Variants in SF3A1 observed in about 807,000 individuals in gnomAD.
The protein encoded by SF3A1 is SAP 114.
In SF3A1, 13 loss-of-function variants were observed where a neutral mutation model predicts 89.9. The observed-to-expected ratio is 0.14, with a 90% CI of 0.09 to 0.23. The LOEUF is 0.23. Among genes scored for constraint, SF3A1 ranks in the 10% least tolerant of loss-of-function variants. The pLI, the probability that SF3A1 is intolerant of heterozygous loss-of-function variation, is 1.00. For synonymous variants in SF3A1, 405 were observed against 374.4 expected, an observed-to-expected ratio of 1.08 and a Z score of -0.94; for missense variants, 604 against 1,022.1, an observed-to-expected ratio of 0.59 and a Z score of 5.58.
chr22:30,335,570 T>C (rs771927230), intron 14 of SF3A1, 32 bp from the exon 15 acceptor site: 12 of 1,613,432 alleles, frequency 7.4e-6, no homozygotes, highest in Admixed American at 1.7e-5. Context: ...ATTCAACTCC[T>C]TGGTAAGGCC....
intron 7 of SF3A1, among the ~76,000 whole-genome samples, 164 bp from the exon 8 acceptor site, chr22:30,340,976 T>A (rs1484843339): frequency 1.3e-5 from 2 of 152,130 alleles, no homozygotes; most frequent in Non-Finnish European, 2.9e-5. Flanking sequence ...CAGGCCAAGC[T>A]GCTTCCTCAC....
rs573986969 is a variant in SF3A1 at position 30,345,310 on chromosome 22, G to A, written c.394-120C>T. 452 of 918,538 alleles carry A rather than the reference G, an allele frequency of 4.9e-4. 6 individuals carry two copies. In the South Asian group the frequency reaches 6.9e-3, roughly 14 times the overall value. 56.9% of individuals were successfully genotyped at this position (918,538 alleles called of 1,614,324 possible). ...GGATGCTGTGAACCTCTAGACTTCT[G>A]TTAATTATGCACACACCACTAGCAC... On this transcript the variant is annotated intron_variant, in intron 3 of 15. Coordinates refer to ENST00000215793, the MANE Select transcript of SF3A1 (RefSeq NM_005877.6).
chr22:30,354,167 C>T (rs774724810), intron 1 of SF3A1, among the ~76,000 whole-genome samples: 1 of 152,132 alleles, frequency 6.6e-6, no homozygotes, highest in Non-Finnish European at 1.5e-5. Context: ...AGGGTCAAGT[C>T]TCTTATCTTA....
At chr22:30,334,812 T>C (rs1276531511) in intron 15 of SF3A1, 117 bp from the exon 16 acceptor site, 2 of 672,854 alleles carry the variant, frequency 3.0e-6, no homozygotes, top group East Asian at 6.2e-5. Flanking sequence ...TACAGGAGCT[T>C]GTGAGAAGGT....
Position 30,343,002 on chromosome 22 carries a change from C to G in SF3A1, c.652-123G>C. The G allele has an allele frequency of 4.8e-6, 3 of 618,932 alleles. No homozygotes were observed. In the South Asian group the frequency reaches 6.0e-5, roughly 12 times the overall value. 38.3% of individuals were successfully genotyped at this position (618,932 alleles called of 1,614,324 possible). A position where few individuals can be genotyped will look rare whatever the true frequency, so the allele number is the denominator to read the frequency against. On this transcript the variant is annotated intron_variant, in intron 4 of 15. Transcript: ENST00000215793. ...AGCATGGGATTCTGTGTCCCAATCC[C>G]AGCTCCACTTGGCTGTGGGACTTAG...
At chr22:30,351,602 C>T (rs1242616216) in intron 2 of SF3A1, among the ~76,000 whole-genome samples, 10 of 152,184 alleles carry the variant, frequency 6.6e-5, no homozygotes, top group Admixed American at 5.9e-4. Context: ...CTGGGCCCAA[C>T]CGATCCTCTT....
chr22:30,334,518 G>A lies in SF3A1; in HGVS notation c.*76C>T, dbSNP rs1269520573. On this transcript the variant is annotated 3_prime_UTR_variant, in exon 16 of 16. Transcript: ENST00000215793. ...TGCAGGCAAGGCAAAGCCTCAGGGG[G>A]GCTCCTGGGTCTGGGGCAGGGGGTG... 1 of 866,516 alleles carries A rather than the reference G, an allele frequency of 1.2e-6. No individual in the cohort carries two copies. Among genetic ancestry groups the A allele is most frequent in the Non-Finnish European group, 1.8e-6 (1 of 560,450 alleles). 53.7% of individuals were successfully genotyped at this position (866,516 alleles called of 1,614,324 possible).
rs746236845 is a variant in SF3A1 at position 30,337,756 on chromosome 22, C to T, written c.1885G>A (p.Val629Met). Reference sequence around the variant, plus strand: ...GGAGGGGCCGAGGGAGGCATGGGCACCACGTTGATTCTGGGCGCGTGGATG... The same window carrying T: ...GGAGGGGCCGAGGGAGGCATGGGCATCACGTTGATTCTGGGCGCGTGGATG... Reference protein sequence around the residue: ...PIIHAPRINVVPMPPSAPPIM... With the variant: ...PIIHAPRINVMPMPPSAPPIM... Residue 629 changes from valine to methionine, a missense_variant, in exon 12 of 16, where the codon GTG becomes ATG. By Grantham distance (21) the Val-to-Met change is conservative (BLOSUM62 1). Around this residue, in one of 9 missense-constraint regions of SF3A1, gnomAD observed 85 missense variants for 137.3 expected, o/e 0.62. Transcript: ENST00000215793. 7.6e-6 allele frequency: 12 copies of T among 1,582,578 alleles called. 1 individual carries two copies. Among genetic ancestry groups the T allele is most frequent in the Non-Finnish European group, 1.0e-5 (12 of 1,165,694 alleles).
Position 30,338,789 on chromosome 22 carries a change from T to C in SF3A1, c.1743A>G (p.Thr581=), listed in dbSNP as rs776225479. The change falls in exon 11 of 16, where the codon ACA becomes ACG. Residue 581 remains threonine (T), a splice_region_variant and synonymous_variant. Coordinates refer to ENST00000215793, the MANE Select transcript of SF3A1 (RefSeq NM_005877.6). ...PPITSVPRPP[T]MPPPVRTTVV... ...AGTTCCAGGGTAGATGCTGGCTTACTGTGGGTGGTCGGGGCACTGAAGTGA... is the reference window on the plus strand; with the variant it reads ...AGTTCCAGGGTAGATGCTGGCTTACCGTGGGTGGTCGGGGCACTGAAGTGA... 6 of 1,614,020 alleles carry C rather than the reference T, an allele frequency of 3.7e-6. No homozygotes were observed. The highest frequency in any genetic ancestry group is 4.2e-6 in the Non-Finnish European group (5 of 1,179,996).
intron 2 of SF3A1, among the ~76,000 whole-genome samples, chr22:30,347,440 C>T (rs1340442484): frequency 6.6e-6 from 1 of 152,206 alleles, no homozygotes; most frequent in Non-Finnish European, 1.5e-5. Context: ...CTGTATAAGG[C>T]ACCTTCAGAT....
At chr22:30,355,253 T>A (rs1931745347) in intron 1 of SF3A1, among the ~76,000 whole-genome samples, 1 of 152,174 alleles carries the variant, frequency 6.6e-6, no homozygotes. Flanking sequence ...TCAAGTGATC[T>A]GTCTGCCTCG....
In SF3A1 at chr22:30,337,674, T is replaced by A; in HGVS notation, c.1951+16A>T. 1 of 901,286 alleles carries A rather than the reference T, an allele frequency of 1.1e-6. No homozygotes were observed. The highest frequency in any genetic ancestry group is 1.6e-6 in the Non-Finnish European group (1 of 624,232). The allele number at this position is 901,286 out of a possible 1,614,324, so 55.8% of individuals were successfully genotyped here. On this transcript the variant is annotated intron_variant, in intron 12 of 15. Transcript: ENST00000215793. ...CCTGAACTAATGGCCTGGAAAATGATGCAAGAGATACTGACCTGTTGGCAC... is the reference window on the plus strand; with the variant it reads ...CCTGAACTAATGGCCTGGAAAATGAAGCAAGAGATACTGACCTGTTGGCAC...
intron 4 of SF3A1, 29 bp from the exon 5 acceptor site, chr22:30,342,908 T>A: frequency 1.4e-6 from 2 of 1,448,278 alleles, no homozygotes; most frequent in Non-Finnish European, 1.9e-6. Context: ...AAAGCAACTG[T>A]CAGTGCTTTA....
At chr22:30,338,681 C>A in intron 11 of SF3A1, 108 bp downstream of exon 11, 2 of 1,402,456 alleles carry the variant, frequency 1.4e-6, no homozygotes, top group South Asian at 2.5e-5. Flanking sequence ...AACTGACCCA[C>A]CCAACACTCA....
At chr22:30,342,642 G>T in intron 5 of SF3A1, 163 bp downstream of exon 5, 1 of 631,900 alleles carries the variant, frequency 1.6e-6, no homozygotes, top group Non-Finnish European at 2.8e-6. Flanking sequence ...ATGTTGGGAA[G>T]CATCCGGACT....
rs986261815 is a variant in SF3A1, at chr22:30,337,821, C to T, written c.1820G>A (p.Arg607Gln). 5 of 1,605,566 alleles carry T rather than the reference C, an allele frequency of 3.1e-6. No homozygotes were observed. The highest frequency in any genetic ancestry group is 4.2e-6 in the Non-Finnish European group (5 of 1,176,492). Residue 607 changes from arginine (R) to glutamine (Q), a missense_variant, in exon 12 of 16, where the codon CGG becomes CAG. Physicochemically the swap from Arg to Gln is conservative, Grantham distance 43. This residue lies in a region of SF3A1 where 85 missense variants were observed against 137.3 expected (regional missense o/e 0.62). Transcript: ENST00000215793. ...MPRPPMASVVRLPPGSVIAPM... is the reference protein window; with the variant it reads ...MPRPPMASVVQLPPGSVIAPM... ...GGCGATCACTGAGCCTGGGGGCAGC[C>T]GGACCACAGATGCCATTGGGGGCCG...
In SF3A1 at chr22:30,341,681, C is replaced by T; in HGVS notation, c.1071+11G>A. 6.2e-7 allele frequency: 1 copy of T among 1,611,192 alleles called. No individual in the cohort carries two copies. The highest frequency in any genetic ancestry group is 8.5e-7 in the Non-Finnish European group (1 of 1,178,024). On this transcript the variant is annotated intron_variant, in intron 7 of 15. Transcript: ENST00000215793. ...GAAAAGGTCATCCTGCAGGCCTGCCCAGCAGCTTACCTCATCCATATCTTG... is the reference window on the plus strand; with the variant it reads ...GAAAAGGTCATCCTGCAGGCCTGCCTAGCAGCTTACCTCATCCATATCTTG...
Position 30,332,609 on chromosome 22 carries a change from G to T in SF3A1, c.*1985C>A, listed in dbSNP as rs1930950558. The T allele has an allele frequency of 6.6e-6, 1 of 152,324 alleles. No individual in the cohort carries two copies. Among genetic ancestry groups the T allele is most frequent in the Admixed American group, 6.5e-5 (1 of 15,306 alleles). The allele number at this position is 152,324 out of a possible 1,614,324, so 9.4% of individuals were successfully genotyped here. ...AGCAGCTTTGTATTATAAACACTAG[G>T]ACGCTACCTACATGCTGCAGGTCCT... On this transcript the variant is annotated 3_prime_UTR_variant, in exon 16 of 16. Transcript: ENST00000215793.
At chr22:30,340,423 G>A in intron 8 of SF3A1, 42 bp from the exon 9 acceptor site, 1 of 1,591,070 alleles carries the variant, frequency 6.3e-7, no homozygotes, top group Non-Finnish European at 8.6e-7. Context: ...CTGGTGGGCA[G>A]CCACCTGAGT....
Sources: gnomAD v4.1 joint callset for allele counts (sites outside exome capture counted in the v4.1 genomes callset) on GRCh38, gnomAD v4.1.1 for gene constraint, gnomAD v4.1.1 regional missense constraint, MANE v1.5 for transcripts, NCBI Gene and HGNC (gene_info 2026-07-23, HGNC 2026-07-21) for gene names.